The following CADM1 variants were observed in gnomAD, a reference collection of about 807,000 sequenced individuals.
The protein encoded by CADM1 is cell adhesion molecule 1.
In CADM1, 15 loss-of-function variants were observed where a neutral mutation model predicts 53.1. The observed-to-expected ratio is 0.28, with a 90% CI of 0.19 to 0.44. The LOEUF is 0.44. Ranked by LOEUF, CADM1 falls within the 20% of genes least tolerant of loss-of-function variation. The probability of loss-of-function intolerance (pLI) is 1.00; values close to 1 mark genes in which losing one functional copy is unlikely to be tolerated. For synonymous variants in CADM1, 281 were observed against 243.0 expected (o/e 1.16, Z -1.45); for missense variants, 434 against 611.3 (o/e 0.71, Z 3.06).
chr11:115,382,848 G>A (rs886064730), intron 1 of CADM1, among the ~76,000 whole-genome samples: 6 of 152,134 alleles, frequency 3.9e-5, no homozygotes, highest in East Asian at 1.9e-4. Flanking sequence ...GATGGTACAC[G>A]TGACAAGAAT....
At chr11:115,305,236 C>T (rs1457741220) in intron 1 of CADM1, among the ~76,000 whole-genome samples, 18 of 151,986 alleles carry the variant, frequency 1.2e-4, no homozygotes, top group Admixed American at 1.2e-3. Flanking sequence ...GCCTCACCTG[C>T]CATGCAACAC....
At chr11:115,368,710 A>C (rs1946234977) in intron 1 of CADM1, among the ~76,000 whole-genome samples, 1 of 152,114 alleles carries the variant, frequency 6.6e-6, no homozygotes, top group Non-Finnish European at 1.5e-5. Context: ...GACTAAAAAC[A>C]CTACTACAAC....
chr11:115,435,109 C>T (rs1948153487), intron 1 of CADM1, among the ~76,000 whole-genome samples: 1 of 151,924 alleles, frequency 6.6e-6, no homozygotes, highest in Non-Finnish European at 1.5e-5. Flanking sequence ...GATCCGCCCA[C>T]CTCGGCCCCC....
At chr11:115,188,484 C>G (rs183537276) in intron 10 of CADM1, among the ~76,000 whole-genome samples, 2 of 152,214 alleles carry the variant, frequency 1.3e-5, no homozygotes, top group East Asian at 3.9e-4. Context: ...ATGAAACTGT[C>G]ATTAATGAAG....
chr11:115,435,140 C>T (rs1009117836), intron 1 of CADM1, among the ~76,000 whole-genome samples: 2 of 152,076 alleles, frequency 1.3e-5, no homozygotes, highest in African/African-American at 2.4e-5. Flanking sequence ...TGATTACAGA[C>T]GTGAGCCACT....
At chr11:115,278,356 C>T (rs893123510) in intron 1 of CADM1, among the ~76,000 whole-genome samples, 2 of 152,108 alleles carry the variant, frequency 1.3e-5, no homozygotes, top group African/African-American at 2.4e-5. Flanking sequence ...AGAACTTAAC[C>T]TCTAGCAACT....
chr11:115,184,947 T>TCCTGCAGCTCGTCC (rs1446999249), intron 10 of CADM1, among the ~76,000 whole-genome samples: 1 of 152,228 alleles, frequency 6.6e-6, no homozygotes, highest in African/African-American at 2.4e-5. Context: ...GGAGCTCATC[T>TCCTGCAGCTCGTCC]CCTGCATGGT....
intron 1 of CADM1, among the ~76,000 whole-genome samples, chr11:115,493,765 C>T (rs1275323786): frequency 6.6e-6 from 1 of 152,050 alleles, no homozygotes; most frequent in Non-Finnish European, 1.5e-5. Context: ...AATGATCAAA[C>T]AATTTGTAGA....
At chr11:115,202,861 TTTC>T (rs1462295630) in intron 8 of CADM1, among the ~76,000 whole-genome samples, 8 of 151,838 alleles carry the variant, frequency 5.3e-5, no homozygotes, top group African/African-American at 1.9e-4. Flanking sequence ...GTTTTTTTTT[TTTC>T]TTCTCTTTCA....
chr11:115,439,776 T>C (rs1301436072), intron 1 of CADM1, among the ~76,000 whole-genome samples: 4 of 152,236 alleles, frequency 2.6e-5, no homozygotes, highest in Admixed American at 2.6e-4. Context: ...GGTCTTTTAA[T>C]AATATCTGCA....
intron 1 of CADM1, among the ~76,000 whole-genome samples, chr11:115,394,134 G>A (rs1205221660): frequency 6.6e-6 from 1 of 152,102 alleles, no homozygotes; most frequent in Non-Finnish European, 1.5e-5. Flanking sequence ...ATCTGCACAT[G>A]CTCATTGGAA....
intron 3 of CADM1, 53 bp downstream of exon 3, chr11:115,238,447 A>G: frequency 6.3e-7 from 1 of 1,579,616 alleles, no homozygotes; most frequent in Non-Finnish European, 8.7e-7. Flanking sequence ...TGCTGCTGTA[A>G]AAGGGCCATC....
At chr11:115,449,389 A>G (rs1463707603) in intron 1 of CADM1, among the ~76,000 whole-genome samples, 1 of 152,184 alleles carries the variant, frequency 6.6e-6, no homozygotes, top group Non-Finnish European at 1.5e-5. Context: ...TAAGAGGCTC[A>G]ATGGTCTTAC....
chr11:115,454,591 T>A (rs1355953882), intron 1 of CADM1, among the ~76,000 whole-genome samples: 1 of 152,188 alleles, frequency 6.6e-6, no homozygotes, highest in East Asian at 1.9e-4. Flanking sequence ...AATGTGAAGA[T>A]CCTACATCAT....
chr11:115,434,857 A>ATTTT (rs1249528701), intron 1 of CADM1, among the ~76,000 whole-genome samples: 3 of 107,272 alleles, frequency 2.8e-5, no homozygotes, highest in South Asian at 5.0e-4. Flanking sequence ...TATTATTATT[A>ATTTT]TTATTATTTT....
rs190042531 is a variant in CADM1 at position 115,283,076 on chromosome 11, G to C, written c.125-42656C>G. 2.6e-5 allele frequency among the ~76,000 whole-genome samples: 4 copies of C among 152,176 alleles called. No homozygotes were observed. In the East Asian group the frequency reaches 7.7e-4, roughly 29 times the overall value. On this transcript the variant is annotated intron_variant, in intron 1 of 11. Coordinates refer to ENST00000331581, the MANE Select transcript of CADM1 (RefSeq NM_001301043.2). ...CTTTGATGAATGGCTTTTTAGTTTAGGTTGCATTATGAGAACAAAACAAGT... is the reference window on the plus strand; with the variant it reads ...CTTTGATGAATGGCTTTTTAGTTTACGTTGCATTATGAGAACAAAACAAGT...
chr11:115,265,971 C>T (rs547595353), intron 1 of CADM1, among the ~76,000 whole-genome samples: 1 of 152,298 alleles, frequency 6.6e-6, no homozygotes, highest in East Asian at 1.9e-4. Context: ...GAAATGCAAA[C>T]TCTTGGGTGT....
chr11:115,341,603 A>T (rs903790230), intron 1 of CADM1, among the ~76,000 whole-genome samples: 9 of 152,204 alleles, frequency 5.9e-5, no homozygotes, highest in African/African-American at 2.2e-4. Flanking sequence ...ATAAAACATT[A>T]ATCTAACTGT....
At chr11:115,348,479 T>C (rs1239311444) in intron 1 of CADM1, among the ~76,000 whole-genome samples, 1 of 152,170 alleles carries the variant, frequency 6.6e-6, no homozygotes, top group Non-Finnish European at 1.5e-5. Flanking sequence ...ACACAAATTG[T>C]AGAAAACCTT....
Sources: allele counts gnomAD v4.1 joint callset (sites outside exome capture counted in the v4.1 genomes callset), GRCh38; gene constraint gnomAD v4.1.1; transcripts MANE v1.5; gene names NCBI Gene and HGNC (gene_info 2026-07-23, HGNC 2026-07-21).